GNA14: variants seen among roughly 807,000 people sequenced by gnomAD.
The protein encoded by GNA14 is guanine nucleotide-binding protein subunit alpha-14.
Under a neutral mutation model 42.0 loss-of-function variants are expected in GNA14, and 50 were observed. The observed-to-expected ratio is 1.19, with a 90% confidence interval of 0.95 to 1.51. GNA14 has a LOEUF of 1.51. GNA14 is among the 40% of genes most tolerant of loss of function. The pLI, the probability that GNA14 is intolerant of heterozygous loss-of-function variation, is 0.00. For missense variants in GNA14, 473 were observed against 446.2 expected (o/e 1.06, Z -0.54); for synonymous variants, 173 against 163.1 (o/e 1.06, Z -0.46).
At chr9:77,432,556 A>AGC (rs1276189857) in intron 3 of GNA14, among the ~76,000 whole-genome samples, 1 of 152,198 alleles carries the variant, frequency 6.6e-6, no homozygotes, top group Non-Finnish European at 1.5e-5. Context: ...TTGTCCAATC[A>AGC]GCAGACATCT....
At chr9:77,444,346 TTCAGCTTCTCCACATCATGGG>T (rs1284421385) in intron 2 of GNA14, among the ~76,000 whole-genome samples, 3 of 152,184 alleles carry the variant, frequency 2.0e-5, no homozygotes, top group Non-Finnish European at 4.4e-5. Flanking sequence ...GATCTTCTCC[TTCAGCTTCTCCACATCATGGG>T]TCAGCTTCTC....
intron 1 of GNA14, among the ~76,000 whole-genome samples, chr9:77,583,620 C>CA (rs1249068458): frequency 1.3e-5 from 2 of 152,202 alleles, no homozygotes; most frequent in Non-Finnish European, 2.9e-5. Flanking sequence ...CCTGTGTCTA[C>CA]AAGCTTGAGA....
At position 77,529,096 on chromosome 9, in the gene GNA14, C is replaced by T. The variant is rs141806902; in HGVS notation, c.282G>A (p.Arg94=). 122 of 1,614,032 alleles carry T rather than the reference C, an allele frequency of 7.6e-5. No individual in the cohort carries two copies. The highest frequency in any genetic ancestry group is 1.0e-4 in the Non-Finnish European group (121 of 1,179,990). Residue 94 remains arginine, a synonymous_variant, in exon 2 of 7, where the codon AGG becomes AGA. Transcript: ENST00000341700. ...QAMIRAMDTL[R]IQYVCEQNKE... ...TATTCTGTTCACACACATACTGTAT[C>T]CTTAGCGTGTCCATCGCTCTGATCA...
intron 2 of GNA14, among the ~76,000 whole-genome samples, chr9:77,482,641 G>C (rs1836576800): frequency 6.6e-6 from 1 of 152,190 alleles, no homozygotes; most frequent in African/African-American, 2.4e-5. Flanking sequence ...ATAATATCCT[G>C]CAGAGTGTTT....
At chr9:77,439,134 C>G (rs1187078820) in intron 2 of GNA14, among the ~76,000 whole-genome samples, 1 of 152,158 alleles carries the variant, frequency 6.6e-6, no homozygotes, top group Non-Finnish European at 1.5e-5. Flanking sequence ...CAGCAAGGGT[C>G]TGTTCTTTAG....
intron 2 of GNA14, among the ~76,000 whole-genome samples, chr9:77,514,995 G>A (rs558366951): frequency 3.9e-5 from 6 of 152,266 alleles, no homozygotes; most frequent in Non-Finnish European, 5.9e-5. Flanking sequence ...TCAGGCAGAT[G>A]GAGGATGTGA....
Position 77,591,862 on chromosome 9 carries a change from T to C in GNA14, c.124+55808A>G, listed in dbSNP as rs114977475. 4.4e-3 allele frequency among the ~76,000 whole-genome samples: 667 copies of C among 152,134 alleles called. 3 individuals carry two copies. Among genetic ancestry groups the C allele is most frequent in the African/African-American group, 0.014 (576 of 41,534 alleles). Reference sequence around the variant, plus strand: ...CTTCTCATGCACCCAACAGCCTAGCTCTCTGTGAACCACTTGAGTTTCTTG... The same window carrying C: ...CTTCTCATGCACCCAACAGCCTAGCCCTCTGTGAACCACTTGAGTTTCTTG... On this transcript the variant is annotated intron_variant, in intron 1 of 6. Coordinates refer to ENST00000341700, the MANE Select transcript of GNA14 (RefSeq NM_004297.4).
chr9:77,483,487 G>T (rs908446853), intron 2 of GNA14, among the ~76,000 whole-genome samples: 1 of 152,120 alleles, frequency 6.6e-6, no homozygotes, highest in Admixed American at 6.5e-5. Context: ...CCGTAATAGG[G>T]GGTGCCTCCC....
At chr9:77,543,819 G>A (rs1211483071) in intron 1 of GNA14, among the ~76,000 whole-genome samples, 5 of 151,974 alleles carry the variant, frequency 3.3e-5, no homozygotes, top group Non-Finnish European at 7.4e-5. Flanking sequence ...ATATCTACTT[G>A]CTATTTTGGT....
At chr9:77,493,884 G>A (rs911556085) in intron 2 of GNA14, among the ~76,000 whole-genome samples, 3 of 152,108 alleles carry the variant, frequency 2.0e-5, no homozygotes, top group African/African-American at 7.2e-5. Flanking sequence ...GAGTGCACAA[G>A]ATTTAACAAA....
chr9:77,630,117 T>G (rs1203888882), intron 1 of GNA14, among the ~76,000 whole-genome samples: 2 of 151,200 alleles, frequency 1.3e-5, no homozygotes, highest in Admixed American at 6.6e-5. Flanking sequence ...TTTTTGTTTT[T>G]TTTTTTTTTG....
At chr9:77,557,105 G>C (rs569431812) in intron 1 of GNA14, among the ~76,000 whole-genome samples, 4 of 152,102 alleles carry the variant, frequency 2.6e-5, no homozygotes, top group Non-Finnish European at 5.9e-5. Context: ...GAACAAACCC[G>C]GGGGTCTAAG....
chr9:77,492,563 A>C (rs972957654), intron 2 of GNA14, among the ~76,000 whole-genome samples: 7 of 152,080 alleles, frequency 4.6e-5, no homozygotes, highest in Non-Finnish European at 8.8e-5. Context: ...GAAAACCTAG[A>C]AAAAAAGGAT....
chr9:77,560,677 A>G (rs887150112), intron 1 of GNA14, among the ~76,000 whole-genome samples: 18 of 152,116 alleles, frequency 1.2e-4, no homozygotes, highest in Non-Finnish European at 1.0e-4. Context: ...TCAAGGTAAT[A>G]TCACCTTACC....
At chr9:77,427,489 T>G (rs1233218448) in intron 5 of GNA14, among the ~76,000 whole-genome samples, 1 of 152,222 alleles carries the variant, frequency 6.6e-6, no homozygotes. Flanking sequence ...ATACAATTTG[T>G]TCAGTTATTG....
chr9:77,462,665 G>A (rs560503837), intron 2 of GNA14, among the ~76,000 whole-genome samples: 2 of 144,698 alleles, frequency 1.4e-5, no homozygotes, highest in East Asian at 4.1e-4. Context: ...AGGTTGCAGT[G>A]AGCTGAGACA....
At chr9:77,599,177 T>C (rs1157994907) in intron 1 of GNA14, among the ~76,000 whole-genome samples, 1 of 152,206 alleles carries the variant, frequency 6.6e-6, no homozygotes, top group Admixed American at 6.5e-5. Flanking sequence ...TGGATGAGAT[T>C]GTTACCAGAT....
chr9:77,558,027 T>C (rs1023890947), intron 1 of GNA14, among the ~76,000 whole-genome samples: 1 of 152,180 alleles, frequency 6.6e-6, no homozygotes, highest in Non-Finnish European at 1.5e-5. Flanking sequence ...GACCCTGTCC[T>C]CTGAAATCTG....
At chr9:77,472,617 T>C (rs1205094146) in intron 2 of GNA14, among the ~76,000 whole-genome samples, 1 of 152,228 alleles carries the variant, frequency 6.6e-6, no homozygotes, top group Non-Finnish European at 1.5e-5. Context: ...ATTGTAGTTT[T>C]ATACACTACT....
Sources: allele counts gnomAD v4.1 joint callset (sites outside exome capture counted in the v4.1 genomes callset), GRCh38; gene constraint gnomAD v4.1.1; transcripts MANE v1.5; gene names NCBI Gene and HGNC (gene_info 2026-07-23, HGNC 2026-07-21).